The following SYTL2 variants were observed in gnomAD, a reference collection of about 807,000 sequenced individuals.
SYTL2 encodes synaptotagmin-like protein 2.
In SYTL2, 165 loss-of-function variants were observed where a neutral mutation model predicts 198.7. The ratio of observed to expected loss-of-function variants is 0.83; its 90% CI spans 0.73 to 0.94. SYTL2 has a LOEUF of 0.94. Ranked by LOEUF, SYTL2 falls within the 40% of genes least tolerant of loss-of-function variation. The probability of loss-of-function intolerance (pLI) is 0.00; values close to 1 mark genes in which losing one functional copy is unlikely to be tolerated. For synonymous variants in SYTL2, 966 were observed against 917.7 expected, an observed-to-expected ratio of 1.05 and a Z score of -0.95; for missense variants, 2,835 against 2,582.8, an observed-to-expected ratio of 1.10 and a Z score of -2.12.
At chr11:85,722,687 AATTAATT>A (rs2088533046) in intron 8 of SYTL2, among the ~76,000 whole-genome samples, 1 of 151,826 alleles carries the variant, frequency 6.6e-6, no homozygotes, top group Admixed American at 6.6e-5. Flanking sequence ...CCATTACATT[AATTAATT>A]ATTAATTAAT....
At chr11:85,849,256 T>C in the SYTL2 span, among the ~76,000 whole-genome samples, 3 of 152,208 alleles carry the variant, frequency 2.0e-5, no homozygotes, top group Non-Finnish European at 4.4e-5. Context: ...TTCACTCTGA[T>C]GGTAGTTTCT....
chr11:85,781,183 C>T (rs1483583791), intron 1 of SYTL2, among the ~76,000 whole-genome samples: 1 of 152,132 alleles, frequency 6.6e-6, no homozygotes, highest in East Asian at 1.9e-4. Context: ...AACTTACAAT[C>T]ATGACAGAAG....
chr11:85,795,849 A>C (rs2092796394), intron 1 of SYTL2, among the ~76,000 whole-genome samples: 1 of 151,946 alleles, frequency 6.6e-6, no homozygotes. Context: ...ATATCTACCA[A>C]ACTGCAAATA....
the SYTL2 span, chr11:85,853,202 G>A: frequency 2.9e-5 from 12 of 412,806 alleles, no homozygotes; most frequent in South Asian, 1.2e-4. Context: ...TGACAATGGC[G>A]GTTTTGTGGA....
chr11:85,853,437 T>C, the SYTL2 span: 2 of 391,064 alleles, frequency 5.1e-6, no homozygotes, highest in African/African-American at 4.4e-5. Flanking sequence ...CAAGATGGGC[T>C]TTGTTAAACA....
intron 1 of SYTL2, among the ~76,000 whole-genome samples, chr11:85,807,035 C>A (rs189349087): frequency 6.6e-6 from 1 of 152,362 alleles, no homozygotes; most frequent in African/African-American, 2.4e-5. Context: ...CACTCACATG[C>A]CCCCATGGGT....
In SYTL2 at chr11:85,734,449, A is replaced by C. The variant is rs183363908; in HGVS notation, c.880T>G (p.Phe294Val). Reference sequence around the variant, plus strand: ...GACACAATTTTGCTTTTGGGTTCAAAGTTGTGATTATAACGAAGGGTTTCT... The same window carrying C: ...GACACAATTTTGCTTTTGGGTTCAACGTTGTGATTATAACGAAGGGTTTCT... ...DSETLRYNHNFEPKSKIVSPG... is the reference protein window; with the variant it reads ...DSETLRYNHNVEPKSKIVSPG... Residue 294 changes from phenylalanine to valine, a missense_variant, in exon 7 of 20, where the codon TTT becomes GTT. By Grantham distance (50) the Phe-to-Val change is conservative. Around this residue, in one of 3 missense-constraint regions of SYTL2, gnomAD observed 2,645 missense variants for 2,381.7 expected, o/e 1.11. Transcript: ENST00000359152. The C allele has an allele frequency of 9.1e-5, 147 of 1,614,208 alleles. No individual in the cohort carries two copies. The East Asian group carries it at 3.2e-3, about 35-fold the overall frequency.
At chr11:85,848,915 T>A in the SYTL2 span, among the ~76,000 whole-genome samples, 1 of 152,202 alleles carries the variant, frequency 6.6e-6, no homozygotes, top group African/African-American at 2.4e-5. Flanking sequence ...ACATGTGGTA[T>A]CTTTTTGCCA....
chr11:85,732,548 C>T (rs1426816328), intron 7 of SYTL2, among the ~76,000 whole-genome samples: 1 of 150,232 alleles, frequency 6.7e-6, no homozygotes, highest in Non-Finnish European at 1.5e-5. Context: ...ACAATGAGAA[C>T]ACACGGAAAA....
chr11:85,800,469 G>T (rs1269599822), intron 1 of SYTL2, among the ~76,000 whole-genome samples: 1 of 151,930 alleles, frequency 6.6e-6, no homozygotes, highest in African/African-American at 2.4e-5. Flanking sequence ...TGTAGAGATG[G>T]GGTCTTGCTA....
At chr11:85,777,179 T>C (rs1180371443) in intron 1 of SYTL2, among the ~76,000 whole-genome samples, 1 of 152,236 alleles carries the variant, frequency 6.6e-6, no homozygotes, top group African/African-American at 2.4e-5. Context: ...AATTAGCATG[T>C]GTATGCTCTG....
intron 1 of SYTL2, among the ~76,000 whole-genome samples, chr11:85,777,539 A>G (rs2092472014): frequency 6.6e-6 from 1 of 152,150 alleles, no homozygotes; most frequent in East Asian, 1.9e-4. Flanking sequence ...AATGGCTAGA[A>G]AAGATTTCAA....
At chr11:85,777,932 G>C (rs1404646207) in intron 1 of SYTL2, among the ~76,000 whole-genome samples, 1 of 141,548 alleles carries the variant, frequency 7.1e-6, no homozygotes. Flanking sequence ...TGATTCTCCT[G>C]CCTCAGCCTC....
the SYTL2 span, among the ~76,000 whole-genome samples, chr11:85,817,897 C>CTTTTTTTTTTTTT: frequency 8.3e-6 from 1 of 119,872 alleles, no homozygotes. Context: ...ACCTTTGTGT[C>CTTTTTTTTTTTTT]TTTTCTTTTT....
intron 13 of SYTL2, among the ~76,000 whole-genome samples, chr11:85,710,566 G>A (rs1353247923): frequency 6.6e-6 from 1 of 152,122 alleles, no homozygotes; most frequent in Admixed American, 6.5e-5. Context: ...TTCACCTTAT[G>A]CAAGAAGTTC....
intron 7 of SYTL2, among the ~76,000 whole-genome samples, chr11:85,733,014 G>A (rs2089969150): frequency 6.6e-6 from 1 of 152,170 alleles, no homozygotes; most frequent in South Asian, 2.1e-4. Context: ...CTAGTTAGCA[G>A]GGAAAAGCAG....
intron 10 of SYTL2, 101 bp downstream of exon 10, chr11:85,718,689 T>A (rs1263387485): frequency 2.0e-6 from 2 of 1,005,978 alleles, no homozygotes; most frequent in East Asian, 2.5e-5. Flanking sequence ...TAGTGGCAAA[T>A]GACGTTCTTC....
intron 18 of SYTL2, among the ~76,000 whole-genome samples, chr11:85,697,015 T>C (rs117793521): frequency 6.6e-6 from 1 of 152,274 alleles, no homozygotes; most frequent in East Asian, 1.9e-4. Flanking sequence ...TAAGTGGCAA[T>C]ATAAGACAAT....
At chr11:85,850,618 C>T in the SYTL2 span, among the ~76,000 whole-genome samples, 467 of 150,820 alleles carry the variant, frequency 3.1e-3, 2 homozygotes, top group Non-Finnish European at 4.5e-3. Flanking sequence ...GTCAGTGTGG[C>T]GATTCCTCAG....
Sources: allele counts gnomAD v4.1 joint callset (sites outside exome capture counted in the v4.1 genomes callset), GRCh38; gene constraint gnomAD v4.1.1; regional missense constraint gnomAD v4.1.1; transcripts MANE v1.5; gene names NCBI Gene and HGNC (gene_info 2026-07-23, HGNC 2026-07-21).